The following CEP57L1 variants were observed in gnomAD, a reference collection of about 807,000 sequenced individuals.
CEP57L1 encodes centrosomal protein 57 like 1.
CEP57L1 carries 37 observed loss-of-function variants against 61.0 expected under a neutral mutation model. The observed-to-expected ratio is 0.61, with a 90% CI of 0.47 to 0.80. The LOEUF (loss-of-function observed/expected upper bound fraction) is 0.80, where lower values mean the gene tolerates loss of function less well. Among genes scored for constraint, CEP57L1 ranks in the 30% least tolerant of loss-of-function variants. The pLI is 0.00. For synonymous variants in CEP57L1, 137 were observed against 162.3 expected (o/e 0.84, Z 1.19); for missense variants, 422 against 524.7 (o/e 0.80, Z 1.91).
At chr6:109,124,054 C>T (rs1773271117) in intron 1 of CEP57L1, among the ~76,000 whole-genome samples, 2 of 151,364 alleles carry the variant, frequency 1.3e-5, no homozygotes, top group South Asian at 2.1e-4. Flanking sequence ...CCAGCCCAGG[C>T]GACAGAGTGA....
Position 109,160,713 on chromosome 6 carries a change from C to T in CEP57L1, c.1158C>T (p.Asp386=). The T allele has an allele frequency of 6.3e-7, 1 of 1,587,488 alleles. No individual in the cohort carries two copies. The highest frequency in any genetic ancestry group is 8.5e-7 in the Non-Finnish European group (1 of 1,172,716). The change falls in exon 10 of 11, where the codon GAC becomes GAT. Residue 386 remains aspartate, a synonymous_variant. Coordinates refer to ENST00000517392, the MANE Select transcript of CEP57L1 (RefSeq NM_001271852.3). The stretch of plus-strand genomic sequence containing the variant: ...TCTCCAAACTGAAGAAGCATCAAGA[C>T]AGTGTAAGAAGGCTTTAGTAAGAGA... ...EQISKLKKHQ[D]SVCKLQQKVQ...
chr6:109,106,011 G>A (rs532943976), intron 1 of CEP57L1: 1 of 152,382 alleles, frequency 6.6e-6, no homozygotes, highest in African/African-American at 2.4e-5. Context: ...CTAATGATCT[G>A]TCACTGTCTC....
At position 109,169,248 on chromosome 6, in the gene CEP57L1, G is replaced by C. The variant is rs1184413132; in HGVS notation, c.*6278G>C. ...CAGCAAAAAAAAAAAAAAAAAAAAA[G>C]ATCAGAGTGCATCACACATAATTAA... On this transcript the variant is annotated 3_prime_UTR_variant, in exon 11 of 11. Coordinates refer to ENST00000517392, the MANE Select transcript of CEP57L1 (RefSeq NM_001271852.3). Among the ~76,000 whole-genome samples the C allele has an allele frequency of 2.6e-5, 3 of 116,730 alleles. 1 individual carries two copies. The South Asian group carries it at 8.8e-4, about 34-fold the overall frequency. 76.6% of individuals were successfully genotyped at this position (116,730 alleles called of 152,430 possible).
intron 10 of CEP57L1, among the ~76,000 whole-genome samples, chr6:109,162,131 A>T (rs1042245053): frequency 2.6e-5 from 4 of 152,096 alleles, no homozygotes; most frequent in African/African-American, 9.6e-5. Context: ...AGGAATACAC[A>T]AAAGTGTTTG....
In CEP57L1 at chr6:109,160,536, C is replaced by A. The variant is rs370921017; in HGVS notation, c.1017-36C>A. 3 of 1,501,706 alleles carry A rather than the reference C, an allele frequency of 2.0e-6. No individual in the cohort carries two copies. The Admixed American group carries it at 6.1e-5, about 31-fold the overall frequency. The allele number at this position is 1,501,706 out of a possible 1,614,324, so 93.0% of individuals were successfully genotyped here. ...ATGGCAAAGAAATATATGCAATAAA[C>A]TATAATACTGCTTAATATTTGCTAT... On this transcript the variant is annotated intron_variant, in intron 9 of 10. Coordinates refer to ENST00000517392, the MANE Select transcript of CEP57L1 (RefSeq NM_001271852.3).
chr6:109,162,482 T>C (rs1773804497), intron 10 of CEP57L1, among the ~76,000 whole-genome samples: 1 of 152,094 alleles, frequency 6.6e-6, no homozygotes, highest in Non-Finnish European at 1.5e-5. Context: ...CTCAGAGTAT[T>C]CTCTAGTTGT....
chr6:109,170,971 A>G lies in CEP57L1; in HGVS notation c.*8001A>G, dbSNP rs1378844745. Reference sequence around the variant, plus strand: ...TAATCTAAAAAATAATTGATTTTTTAAAAAACTTATTCTATTTTATGTATA... The same window carrying G: ...TAATCTAAAAAATAATTGATTTTTTGAAAAACTTATTCTATTTTATGTATA... On this transcript the variant is annotated 3_prime_UTR_variant, in exon 11 of 11. Coordinates refer to ENST00000517392, the MANE Select transcript of CEP57L1 (RefSeq NM_001271852.3). Among the ~76,000 whole-genome samples, 1 of 152,204 alleles carries G rather than the reference A, an allele frequency of 6.6e-6. No homozygotes were observed. The highest frequency in any genetic ancestry group is 1.5e-5 in the Non-Finnish European group (1 of 68,032).
intron 1 of CEP57L1, among the ~76,000 whole-genome samples, chr6:109,096,326 G>GT (rs917318352): frequency 2.0e-5 from 3 of 152,196 alleles, no homozygotes; most frequent in African/African-American, 7.2e-5. Context: ...AGTCTTACTA[G>GT]TTAGAGGAAC....
chr6:109,133,598 AC>A (rs1292273324), intron 1 of CEP57L1, among the ~76,000 whole-genome samples: 7 of 152,152 alleles, frequency 4.6e-5, no homozygotes, highest in Non-Finnish European at 5.9e-5. Context: ...ACACAAAAAA[AC>A]CCTTCAAAAA....
chr6:109,106,632 A>T (rs1406087534), intron 1 of CEP57L1, among the ~76,000 whole-genome samples: 6 of 152,136 alleles, frequency 3.9e-5, no homozygotes, highest in Non-Finnish European at 7.4e-5. Flanking sequence ...TGGCTTTTTT[A>T]AAATTAATGT....
chr6:109,132,958 T>C (rs1403220896), intron 1 of CEP57L1, among the ~76,000 whole-genome samples: 2 of 152,196 alleles, frequency 1.3e-5, no homozygotes, highest in Non-Finnish European at 1.5e-5. Context: ...TTCTTTCTGA[T>C]TTGTAGTTCT....
chr6:109,096,387 A>G (rs1002807583), intron 1 of CEP57L1, among the ~76,000 whole-genome samples: 1 of 152,212 alleles, frequency 6.6e-6, no homozygotes, highest in Non-Finnish European at 1.5e-5. Context: ...TGGGATGTCT[A>G]GAAGGAGATG....
chr6:109,120,957 C>CACACACACACACACAG (rs1332576863), intron 1 of CEP57L1, among the ~76,000 whole-genome samples: 8 of 141,072 alleles, frequency 5.7e-5, no homozygotes, highest in African/African-American at 1.8e-4. Context: ...CACACACACA[C>CACACACACACACACAG]AGTCACTCAC....
Position 109,159,313 on chromosome 6 carries a change from C to T in CEP57L1, c.867C>T (p.Asn289=), listed in dbSNP as rs531072174. The T allele has an allele frequency of 1.4e-5, 22 of 1,614,080 alleles. No homozygotes were observed. Among genetic ancestry groups the T allele is most frequent in the East Asian group, 1.3e-4 (6 of 44,872 alleles). Residue 289 remains asparagine, a synonymous_variant, in exon 9 of 11, where the codon AAC becomes AAT. Coordinates refer to ENST00000517392, the MANE Select transcript of CEP57L1 (RefSeq NM_001271852.3). ...RDPHILQKPF[N]VTETRCLPKP... is the part of the protein sequence containing the mutation. ...CACATATCCTTCAGAAACCTTTTAA[C>T]GTGACTGAGACTAGATGTCTCCCCA...
At chr6:109,114,513 A>G (rs1403173182) in intron 1 of CEP57L1, among the ~76,000 whole-genome samples, 1 of 152,152 alleles carries the variant, frequency 6.6e-6, no homozygotes, top group Non-Finnish European at 1.5e-5. Context: ...AAAAAACAGG[A>G]AATTTCTTCA....
chr6:109,164,304 A>G lies in CEP57L1; in HGVS notation c.*1334A>G, dbSNP rs534369143. ...GGATCTTTTGGGGAGGAAGAGAACT[A>G]TAATTCATTCTAATGGTGAGGAGAG... On this transcript the variant is annotated 3_prime_UTR_variant, in exon 11 of 11. Coordinates refer to ENST00000517392, the MANE Select transcript of CEP57L1 (RefSeq NM_001271852.3). Among the ~76,000 whole-genome samples the G allele has an allele frequency of 1.1e-4, 17 of 152,346 alleles. No homozygotes were observed. Among genetic ancestry groups the G allele is most frequent in the Admixed American group, 1.3e-4 (2 of 15,302 alleles).
At chr6:109,149,300 G>C (rs925787806) in intron 3 of CEP57L1, among the ~76,000 whole-genome samples, 1 of 152,150 alleles carries the variant, frequency 6.6e-6, no homozygotes, top group Admixed American at 6.5e-5. Context: ...TTTTGTATAA[G>C]GTGTAAGGAA....
At chr6:109,120,433 A>G (rs1772816653) in intron 1 of CEP57L1, among the ~76,000 whole-genome samples, 1 of 152,100 alleles carries the variant, frequency 6.6e-6, no homozygotes, top group Non-Finnish European at 1.5e-5. Context: ...GTCTATAAAT[A>G]ATTGTTTTCT....
chr6:109,129,280 A>G, intron 1 of CEP57L1: 1 of 853,706 alleles, frequency 1.2e-6, no homozygotes, highest in Non-Finnish European at 1.5e-6. Flanking sequence ...ATCTTTATTA[A>G]CTTAAGCTAT....
Sources: gnomAD v4.1 joint callset for allele counts (sites outside exome capture counted in the v4.1 genomes callset) on GRCh38, gnomAD v4.1.1 for gene constraint, MANE v1.5 for transcripts, NCBI Gene and HGNC (gene_info 2026-07-23, HGNC 2026-07-21) for gene names.